Variants in COL25A1 observed in about 807,000 individuals in gnomAD.
COL25A1 encodes collagen type XXV alpha 1 chain, also known as collagen alpha-1(XXV) chain.
A neutral mutation model predicts 128.4 loss-of-function variants in COL25A1; 103 were observed. The observed-to-expected ratio is 0.80, with a 90% CI of 0.68 to 0.94. The LOEUF is 0.94. Among genes scored for constraint, COL25A1 ranks in the 40% least tolerant of loss-of-function variants. The pLI, the probability that COL25A1 is intolerant of heterozygous loss-of-function variation, is 0.00. For synonymous variants in COL25A1, 279 were observed against 277.2 expected (o/e 1.01, Z -0.06); for missense variants, 745 against 840.0 (o/e 0.89, Z 1.40).
chr4:109,083,142 A>G (rs75860114), intron 3 of COL25A1, among the ~76,000 whole-genome samples: 1 of 152,308 alleles, frequency 6.6e-6, no homozygotes, highest in East Asian at 1.9e-4. Flanking sequence ...CTATTTCAGG[A>G]CCTTCTGAGA....
intron 3 of COL25A1, among the ~76,000 whole-genome samples, chr4:109,083,190 T>C (rs1764007481): frequency 6.6e-6 from 1 of 152,156 alleles, no homozygotes; most frequent in South Asian, 2.1e-4. Context: ...GGTTTAAAAA[T>C]GTCTGATATT....
chr4:108,942,258 C>T, intron 8 of COL25A1: 3 of 1,550,256 alleles, frequency 1.9e-6, no homozygotes, highest in African/African-American at 1.4e-5. Flanking sequence ...TGTGGGGAAG[C>T]CTGGCAGGCC....
intron 3 of COL25A1, among the ~76,000 whole-genome samples, chr4:109,112,528 G>A (rs940497528): frequency 6.6e-6 from 1 of 151,150 alleles, no homozygotes; most frequent in Non-Finnish European, 1.5e-5. Flanking sequence ...TTTCTATTCT[G>A]CCATGGCATC....
At chr4:108,843,235 G>A (rs1734678530) in intron 30 of COL25A1, among the ~76,000 whole-genome samples, 1 of 151,266 alleles carries the variant, frequency 6.6e-6, no homozygotes. Flanking sequence ...AAGAAAATAA[G>A]GTCAATAATA....
chr4:108,838,195 A>T, intron 31 of COL25A1: 5 of 1,545,902 alleles, frequency 3.2e-6, no homozygotes, highest in Non-Finnish European at 4.4e-6. Context: ...GCAAAAGCAA[A>T]TGCCAATTTT....
intron 3 of COL25A1, among the ~76,000 whole-genome samples, chr4:109,235,147 A>T (rs10018827): frequency 0.48 from 73,070 of 151,746 alleles, 18,318 homozygotes; most frequent in African/African-American, 0.57. Context: ...TCTCAGGAAT[A>T]AATTTTTGAC....
chr4:109,203,676 T>A (rs897349393), intron 3 of COL25A1, among the ~76,000 whole-genome samples: 1 of 151,436 alleles, frequency 6.6e-6, no homozygotes, highest in Non-Finnish European at 1.5e-5. Flanking sequence ...TTTAGCAGAG[T>A]ATCTTAGGGT....
At chr4:109,052,892 G>T (rs1761118964) in intron 3 of COL25A1, among the ~76,000 whole-genome samples, 1 of 152,160 alleles carries the variant, frequency 6.6e-6, no homozygotes, top group African/African-American at 2.4e-5. Context: ...AGTGAGTGAT[G>T]AATTGTCAGC....
chr4:109,042,399 A>AC (rs1760002528), intron 5 of COL25A1, among the ~76,000 whole-genome samples: 1 of 152,100 alleles, frequency 6.6e-6, no homozygotes, highest in Non-Finnish European at 1.5e-5. Flanking sequence ...TGAGTTGTTC[A>AC]TTTGACAAGT....
intron 3 of COL25A1, among the ~76,000 whole-genome samples, chr4:109,235,547 T>TACACAC (rs58377954): frequency 0.095 from 14,222 of 149,954 alleles, 850 homozygotes; most frequent in East Asian, 0.24. Context: ...CACACACGAA[T>TACACAC]ACACACACAC....
At chr4:108,987,417 C>T (rs1013815784) in intron 6 of COL25A1, among the ~76,000 whole-genome samples, 1 of 151,590 alleles carries the variant, frequency 6.6e-6, no homozygotes, top group Non-Finnish European at 1.5e-5. Flanking sequence ...GCTCTGTCGC[C>T]CAGGCTGGAG....
At chr4:109,118,322 A>G (rs1360434684) in intron 3 of COL25A1, among the ~76,000 whole-genome samples, 1 of 151,652 alleles carries the variant, frequency 6.6e-6, no homozygotes, top group Non-Finnish European at 1.5e-5. Context: ...AATATATTGT[A>G]TATTTCAAAA....
chr4:109,199,797 G>C (rs1776409866), intron 3 of COL25A1, among the ~76,000 whole-genome samples: 1 of 152,158 alleles, frequency 6.6e-6, no homozygotes, highest in Non-Finnish European at 1.5e-5. Flanking sequence ...AAAAGGTAGT[G>C]TGTAATTTAC....
rs1345488089 is a variant in COL25A1, at chr4:108,819,306, T to C, written c.1869A>G (p.Glu623=). The C allele has an allele frequency of 1.2e-6, 2 of 1,613,442 alleles. No individual in the cohort carries two copies. The highest frequency in any genetic ancestry group is 8.5e-7 in the Non-Finnish European group (1 of 1,179,752). ...GGCCAGGCTGGCCTGGCTCCCCTTT[T>C]TCCCCCTTAACGCCACGGAATCCCT... is the stretch of plus-strand genomic sequence containing the variant. ...GEKGFRGVKG[E]KGEPGQPGLD... Residue 623 remains glutamate (E), a synonymous_variant, in exon 36 of 38, where the codon GAA becomes GAG. Transcript: ENST00000399132.
intron 23 of COL25A1, among the ~76,000 whole-genome samples, chr4:108,860,418 T>C (rs1016753438): frequency 6.6e-6 from 1 of 152,156 alleles, no homozygotes; most frequent in Non-Finnish European, 1.5e-5. Flanking sequence ...TAGAACATTG[T>C]TCTGTAGAAA....
intron 5 of COL25A1, among the ~76,000 whole-genome samples, chr4:109,019,345 C>G (rs1431207786): frequency 1.0e-4 from 4 of 38,284 alleles, no homozygotes; most frequent in Non-Finnish European, 1.5e-4. Flanking sequence ...TGTATACACA[C>G]ACATACACAC....
At chr4:109,056,902 C>T (rs1284073694) in intron 3 of COL25A1, among the ~76,000 whole-genome samples, 3 of 152,182 alleles carry the variant, frequency 2.0e-5, no homozygotes, top group South Asian at 4.1e-4. Context: ...TGTCGAACAT[C>T]GCTATTTAGA....
At chr4:109,083,611 C>T (rs867347043) in intron 3 of COL25A1, among the ~76,000 whole-genome samples, 2 of 151,756 alleles carry the variant, frequency 1.3e-5, no homozygotes, top group African/African-American at 4.8e-5. Flanking sequence ...TGCAGGCACC[C>T]GCTACCACGC....
intron 6 of COL25A1, among the ~76,000 whole-genome samples, chr4:108,976,371 C>T (rs933201478): frequency 6.6e-6 from 1 of 152,148 alleles, no homozygotes; most frequent in African/African-American, 2.4e-5. Context: ...ACAGTATTAC[C>T]TTTGTCATAA....
Sources: gnomAD v4.1 joint callset for allele counts (sites outside exome capture counted in the v4.1 genomes callset) on GRCh38, gnomAD v4.1.1 for gene constraint, MANE v1.5 for transcripts, NCBI Gene and HGNC (gene_info 2026-07-23, HGNC 2026-07-21) for gene names.